Variants in DNAAF9 observed in about 807,000 individuals in gnomAD.
The protein encoded by DNAAF9 is dynein axonemal assembly factor 9.
DNAAF9 carries 90 observed loss-of-function variants against 167.0 expected under a neutral mutation model. That is an observed-to-expected ratio of 0.54 (90% CI 0.45 to 0.64). The LOEUF (loss-of-function observed/expected upper bound fraction) is 0.64. DNAAF9 is among the 30% of genes least tolerant of loss of function. DNAAF9 has a pLI of 0.00. For missense variants in DNAAF9, 1,315 were observed against 1,442.2 expected (o/e 0.91, Z 1.43); for synonymous variants, 491 against 508.8 (o/e 0.96, Z 0.47).
At chr20:3,312,424 TAA>T in intron 20 of DNAAF9, among the ~76,000 whole-genome samples, 1 of 145,504 alleles carries the variant, frequency 6.9e-6, no homozygotes, top group East Asian at 2.0e-4. Flanking sequence ...GAGGGGGCTT[TAA>T]AAAAAAAAAA....
chr20:3,303,050 A>G (rs2069219933), intron 21 of DNAAF9, among the ~76,000 whole-genome samples: 1 of 152,112 alleles, frequency 6.6e-6, no homozygotes, highest in African/African-American at 2.4e-5. Flanking sequence ...TGTCCTGGCT[A>G]ACATAGTGAA....
Position 3,250,329 on chromosome 20 carries a change from G to A in DNAAF9, c.*2243C>T, listed in dbSNP as rs1194740876. ...GCATCCCCTGGCCTCAGTCCTCAAA[G>A]AGCTCACAGTGCACCGCGGGTGTGC... On this transcript the variant is annotated 3_prime_UTR_variant, in exon 37 of 37. Coordinates refer to ENST00000252032, the MANE Select transcript of DNAAF9 (RefSeq NM_001009984.3). 1.3e-5 allele frequency: 2 copies of A among 152,242 alleles called. No individual in the cohort carries two copies. The highest frequency in any genetic ancestry group is 2.1e-4 in the South Asian group (1 of 4,834). 9.4% of individuals were successfully genotyped at this position (152,242 alleles called of 1,614,324 possible). A position where few individuals can be genotyped will look rare whatever the true frequency, so the allele number is the denominator to read the frequency against.
At chr20:3,295,708 C>A in intron 23 of DNAAF9, 1 of 591,828 alleles carries the variant, frequency 1.7e-6, no homozygotes, top group South Asian at 1.4e-5. Context: ...GCAACCGTCC[C>A]CTTTTATTAT....
intron 7 of DNAAF9, among the ~76,000 whole-genome samples, chr20:3,355,899 T>C (rs1039578422): frequency 2.0e-5 from 3 of 152,176 alleles, no homozygotes; most frequent in African/African-American, 7.2e-5. Flanking sequence ...CTTTTTTTTT[T>C]CAGATCCAGT....
chr20:3,278,509 A>C (rs2068710478), intron 29 of DNAAF9, among the ~76,000 whole-genome samples: 1 of 152,182 alleles, frequency 6.6e-6, no homozygotes, highest in African/African-American at 2.4e-5. Flanking sequence ...CTACGAGGTC[A>C]GGAGTTCAAG....
intron 29 of DNAAF9, among the ~76,000 whole-genome samples, chr20:3,275,717 T>C (rs1433558991): frequency 6.6e-6 from 1 of 152,194 alleles, no homozygotes; most frequent in Non-Finnish European, 1.5e-5. Context: ...TCCACCTTGT[T>C]TGGGCCAGGA....
chr20:3,307,758 C>A (rs1211715634), intron 20 of DNAAF9, among the ~76,000 whole-genome samples: 1 of 152,018 alleles, frequency 6.6e-6, no homozygotes, highest in African/African-American at 2.4e-5. Context: ...GAGGGATGGG[C>A]CCTCAGGGTA....
At chr20:3,304,682 T>G in intron 20 of DNAAF9, 139 bp from the exon 21 acceptor site, 1 of 602,376 alleles carries the variant, frequency 1.7e-6, no homozygotes, top group South Asian at 2.1e-5. Flanking sequence ...TGCTGAGCCC[T>G]GTGCTCTGAG....
chr20:3,387,498 T>G (rs1185499636), intron 1 of DNAAF9, among the ~76,000 whole-genome samples: 2 of 152,162 alleles, frequency 1.3e-5, no homozygotes, highest in Non-Finnish European at 1.5e-5. Context: ...ACTCAAAATG[T>G]ATCAAAGACC....
Position 3,252,119 on chromosome 20 carries a change from G to A in DNAAF9, c.*453C>T, listed in dbSNP as rs2068203095. ...GCAGGGGAGGCAGGCACTCCACTGG[G>A]GAAGATGGCTCTCGTGGAGCAGCAT... On this transcript the variant is annotated 3_prime_UTR_variant, in exon 37 of 37. Transcript: ENST00000252032. 1 of 157,740 alleles carries A rather than the reference G, an allele frequency of 6.3e-6. No homozygotes were observed. The highest frequency in any genetic ancestry group is 2.4e-5 in the African/African-American group (1 of 41,526). 9.8% of individuals were successfully genotyped at this position (157,740 alleles called of 1,614,324 possible).
intron 3 of DNAAF9, 142 bp from the exon 4 acceptor site, chr20:3,376,444 C>T (rs756538396): frequency 1.1e-4 from 80 of 717,968 alleles, no homozygotes; most frequent in Non-Finnish European, 1.7e-4. Flanking sequence ...TTTAATTAAG[C>T]ACTGTGCCTT....
chr20:3,257,243 G>A (rs2068297580), intron 33 of DNAAF9, among the ~76,000 whole-genome samples: 1 of 152,028 alleles, frequency 6.6e-6, no homozygotes, highest in Non-Finnish European at 1.5e-5. Flanking sequence ...TGGGTGTGGT[G>A]GCTAATACCT....
Position 3,315,972 on chromosome 20 carries a change from G to C in DNAAF9, c.1540-187C>G. ...TGGTCACCTGGGCTCAGAGCCCAAG[G>C]CCTTGGTGGGCTCTCTCACTAGGAC... On this transcript the variant is annotated intron_variant, in intron 18 of 36. Transcript: ENST00000252032. The surrounding 1 kb of genome is among the most constrained non-coding windows in gnomAD (Gnocchi z 4.1). The C allele has an allele frequency of 4.9e-6, 3 of 612,190 alleles. No individual in the cohort carries two copies. In the South Asian group the frequency reaches 5.8e-5, roughly 12 times the overall value. The allele number at this position is 612,190 out of a possible 1,614,324, so 37.9% of individuals were successfully genotyped here. A position where few individuals can be genotyped will look rare whatever the true frequency, so the allele number is the denominator to read the frequency against.
At chr20:3,331,709 T>C (rs1361001578) in intron 11 of DNAAF9, among the ~76,000 whole-genome samples, 1 of 152,222 alleles carries the variant, frequency 6.6e-6, no homozygotes, top group Non-Finnish European at 1.5e-5. Flanking sequence ...AGTCTCACTC[T>C]GTTGCCCAGG....
chr20:3,379,125 A>G (rs1199939785), intron 3 of DNAAF9, among the ~76,000 whole-genome samples: 1 of 151,880 alleles, frequency 6.6e-6, no homozygotes, highest in African/African-American at 2.4e-5. Context: ...TATACTCTAC[A>G]GTAAAATGTA....
intron 12 of DNAAF9, among the ~76,000 whole-genome samples, chr20:3,327,225 C>T (rs764918622): frequency 3.9e-5 from 6 of 152,134 alleles, no homozygotes; most frequent in Non-Finnish European, 5.9e-5. Context: ...TAATTCTTTG[C>T]TGTGGGGGTT....
Position 3,290,198 on chromosome 20 carries a change from G to T in DNAAF9, c.2258C>A (p.Thr753Asn), listed in dbSNP as rs1373099983. Residue 753 changes from threonine (T) to asparagine (N), a missense_variant, in exon 26 of 37, where the codon ACC (threonine) becomes AAC (asparagine). Around this residue, in one of 2 missense-constraint regions of DNAAF9, gnomAD observed 981 missense variants for 1,012.5 expected, o/e 0.97. Coordinates refer to ENST00000252032, the MANE Select transcript of DNAAF9 (RefSeq NM_001009984.3). ...GCTAGCGTGACAGCCTGGGAGGCCGGTTACAATGCTGATAATTACCTACAT... is the reference window on the plus strand; with the variant it reads ...GCTAGCGTGACAGCCTGGGAGGCCGTTTACAATGCTGATAATTACCTACAT... ...ESDKVIISIVTGLPGCHASEL... is the reference protein window; with the variant it reads ...ESDKVIISIVNGLPGCHASEL... 7 of 1,610,312 alleles carry T rather than the reference G, an allele frequency of 4.3e-6. No individual in the cohort carries two copies. In the South Asian group the frequency reaches 7.7e-5, roughly 18 times the overall value.
chr20:3,264,313 T>G (rs1357237076), intron 31 of DNAAF9, 125 bp downstream of exon 31: 3 of 627,428 alleles, frequency 4.8e-6, no homozygotes, highest in Non-Finnish European at 5.7e-6. Flanking sequence ...CCGTGCCAGC[T>G]GCCATGTGTC....
intron 10 of DNAAF9, among the ~76,000 whole-genome samples, chr20:3,332,995 G>A (rs1435584733): frequency 1.3e-5 from 2 of 151,628 alleles, no homozygotes; most frequent in Non-Finnish European, 2.9e-5. Flanking sequence ...GCCCAGGGAT[G>A]CTAGGGCAAT....
Sources: allele counts gnomAD v4.1 joint callset (sites outside exome capture counted in the v4.1 genomes callset), GRCh38; gene constraint gnomAD v4.1.1; regional missense constraint gnomAD v4.1.1; non-coding constraint Gnocchi (gnomAD v3.1); transcripts MANE v1.5; gene names NCBI Gene and HGNC (gene_info 2026-07-23, HGNC 2026-07-21).